Variants in METTL15 observed in about 807,000 individuals in gnomAD.
METTL15 encodes methyltransferase 15, mitochondrial 12S rRNA N4-cytidine.
A neutral mutation model predicts 38.3 loss-of-function variants in METTL15; 34 were observed. The ratio of observed to expected loss-of-function variants is 0.89; its 90% CI spans 0.68 to 1.18. The LOEUF (loss-of-function observed/expected upper bound fraction) is 1.18, where lower values mean the gene tolerates loss of function less well. METTL15 is among the 50% of genes most tolerant of loss of function. The pLI is 0.00. For missense variants in METTL15, 438 were observed against 498.4 expected, an observed-to-expected ratio of 0.88 and a Z score of 1.15; for synonymous variants, 162 against 170.9, an observed-to-expected ratio of 0.95 and a Z score of 0.41.
intron 5 of METTL15, among the ~76,000 whole-genome samples, chr11:28,402,582 C>T (rs1850639415): frequency 6.6e-6 from 1 of 151,864 alleles, no homozygotes; most frequent in Non-Finnish European, 1.5e-5. Context: ...GCTTCTGGAC[C>T]CTTGCATCTG....
At chr11:28,320,264 G>C (rs927955216) in intron 6 of METTL15, among the ~76,000 whole-genome samples, 1 of 149,452 alleles carries the variant, frequency 6.7e-6, no homozygotes, top group Non-Finnish European at 1.5e-5. Context: ...TTGTAGAGCC[G>C]TGCTTAAAAA....
At chr11:28,243,393 T>C (rs762349359) in intron 4 of METTL15, among the ~76,000 whole-genome samples, 30 of 152,166 alleles carry the variant, frequency 2.0e-4, no homozygotes, top group Non-Finnish European at 3.4e-4. Flanking sequence ...ATGGATAGAA[T>C]ACTAAAACAA....
intron 3 of METTL15, among the ~76,000 whole-genome samples, chr11:28,201,783 T>C (rs552666024): frequency 6.6e-6 from 1 of 152,114 alleles, no homozygotes; most frequent in Non-Finnish European, 1.5e-5. Flanking sequence ...TTTAGAACAA[T>C]GCTGTGGATA....
At chr11:28,294,354 A>T (rs1186716552) in intron 5 of METTL15, among the ~76,000 whole-genome samples, 1 of 152,154 alleles carries the variant, frequency 6.6e-6, no homozygotes, top group African/African-American at 2.4e-5. Context: ...AGGCCAAAAA[A>T]TGTGGCCTGT....
rs905736698 is a variant in METTL15, at chr11:28,330,749, A to G, written c.1132A>G (p.Ile378Val). ...MRRAPLMWELIHKKVLSPQDQ... is the reference protein window; with the variant it reads ...MRRAPLMWELVHKKVLSPQDQ... Reference sequence around the variant, plus strand: ...AAGAGCTCCTTTAATGTGGGAATTGATACACAAGAAGGTACTTAGTCCACA... The same window carrying G: ...AAGAGCTCCTTTAATGTGGGAATTGGTACACAAGAAGGTACTTAGTCCACA... Residue 378 changes from isoleucine to valine, a missense_variant, in exon 7 of 7, where the codon ATA becomes GTA. Ile to Val is a conservative substitution (Grantham distance 29). Coordinates refer to ENST00000407364, the MANE Select transcript of METTL15 (RefSeq NM_001113528.2). 5.8e-6 allele frequency: 9 copies of G among 1,551,612 alleles called. No individual in the cohort carries two copies. The highest frequency in any genetic ancestry group is 7.8e-6 in the Non-Finnish European group (9 of 1,146,850).
intron 4 of METTL15, among the ~76,000 whole-genome samples, chr11:28,254,198 T>C (rs1397169262): frequency 6.6e-6 from 1 of 152,192 alleles, no homozygotes; most frequent in Non-Finnish European, 1.5e-5. Flanking sequence ...GACATCTCAT[T>C]GTAGTTTTGA....
intron 6 of METTL15, among the ~76,000 whole-genome samples, chr11:28,454,502 A>G (rs897187668): frequency 2.6e-5 from 4 of 152,160 alleles, no homozygotes; most frequent in African/African-American, 7.2e-5. Context: ...ACCCTTTTCA[A>G]TGTTTCAGGC....
chr11:28,266,013 T>C (rs1488172833), intron 4 of METTL15, among the ~76,000 whole-genome samples: 3 of 152,194 alleles, frequency 2.0e-5, no homozygotes, highest in South Asian at 2.1e-4. Context: ...CCTGTGTCCA[T>C]GTGTTCTCAT....
At chr11:28,387,400 T>A (rs184791242) in intron 5 of METTL15, among the ~76,000 whole-genome samples, 1 of 151,940 alleles carries the variant, frequency 6.6e-6, no homozygotes, top group East Asian at 1.9e-4. Flanking sequence ...AAGATCATGA[T>A]ATAATAGTAT....
rs1013460126 is a variant in METTL15, at chr11:28,288,555, T to C, written c.408-1651T>C. 4.6e-5 allele frequency among the ~76,000 whole-genome samples: 7 copies of C among 152,052 alleles called. 1 individual carries two copies. In the South Asian group the frequency reaches 1.2e-3, roughly 27 times the overall value. ...TAGGCCATTATCCTTAGCAAACTAA[T>C]GCAGGAACAGAAAACCAAATACCAC... On this transcript the variant is annotated intron_variant, in intron 4 of 6. Coordinates refer to ENST00000407364, the MANE Select transcript of METTL15 (RefSeq NM_001113528.2).
intron 5 of METTL15, among the ~76,000 whole-genome samples, chr11:28,418,922 C>T (rs1469850200): frequency 6.6e-6 from 1 of 152,164 alleles, no homozygotes; most frequent in Admixed American, 6.5e-5. Context: ...ACTTAAGTTT[C>T]ATCAAGCCTT....
intron 3 of METTL15, among the ~76,000 whole-genome samples, chr11:28,126,840 C>T (rs1852509266): frequency 2.0e-5 from 3 of 151,924 alleles, no homozygotes; most frequent in Admixed American, 2.0e-4. Flanking sequence ...ATTTCCACTG[C>T]CATGAAAGAG....
intron 5 of METTL15, among the ~76,000 whole-genome samples, chr11:28,371,941 T>G (rs1029546238): frequency 7.2e-5 from 11 of 152,088 alleles, no homozygotes; most frequent in African/African-American, 2.7e-4. Context: ...CATATAAGGA[T>G]AATTGAACTT....
At chr11:28,279,889 A>C (rs1466704093) in intron 4 of METTL15, among the ~76,000 whole-genome samples, 2 of 148,236 alleles carry the variant, frequency 1.3e-5, no homozygotes, top group Non-Finnish European at 3.0e-5. Flanking sequence ...ACAGGGCAAG[A>C]CTCTGTCTCA....
chr11:28,237,084 A>T (rs1445592444), intron 4 of METTL15, among the ~76,000 whole-genome samples: 2 of 151,748 alleles, frequency 1.3e-5, no homozygotes, highest in Non-Finnish European at 2.9e-5. Flanking sequence ...TGTGTCTTGG[A>T]GTTGCTCTTC....
intron 5 of METTL15, among the ~76,000 whole-genome samples, chr11:28,375,882 G>C (rs1850305155): frequency 6.6e-6 from 1 of 151,494 alleles, no homozygotes; most frequent in Non-Finnish European, 1.5e-5. Flanking sequence ...GTTCTCGTTG[G>C]TTTCAAAGAA....
intron 4 of METTL15, among the ~76,000 whole-genome samples, chr11:28,227,203 C>T (rs1252692323): frequency 6.6e-6 from 1 of 151,814 alleles, no homozygotes; most frequent in Admixed American, 6.6e-5. Context: ...AACTACTTTT[C>T]AGGCAATCTA....
chr11:28,370,585 C>T (rs1850233084), intron 5 of METTL15, among the ~76,000 whole-genome samples: 1 of 151,898 alleles, frequency 6.6e-6, no homozygotes, highest in African/African-American at 2.4e-5. Context: ...AGTAGAATTG[C>T]TGTATCATAC....
At chr11:28,263,289 A>G (rs1358308117) in intron 4 of METTL15, among the ~76,000 whole-genome samples, 1 of 152,072 alleles carries the variant, frequency 6.6e-6, no homozygotes, top group East Asian at 1.9e-4. Flanking sequence ...TAGATGTAAT[A>G]ATATAAAATG....
Sources: allele counts gnomAD v4.1 joint callset (sites outside exome capture counted in the v4.1 genomes callset), GRCh38; gene constraint gnomAD v4.1.1; transcripts MANE v1.5; gene names NCBI Gene and HGNC (gene_info 2026-07-23, HGNC 2026-07-21).